TBC1D9B: variants seen among roughly 807,000 people sequenced by gnomAD.
TBC1D9B encodes TBC1 domain family, member 9B (with GRAM domain).
A neutral mutation model predicts 121.1 loss-of-function variants in TBC1D9B; 87 were observed. That is an observed-to-expected ratio of 0.72 (90% CI 0.60 to 0.86). The LOEUF is 0.86. TBC1D9B is among the 40% of genes least tolerant of loss of function. The probability of loss-of-function intolerance (pLI) is 0.00; values close to 1 mark genes in which losing one functional copy is unlikely to be tolerated. For synonymous variants in TBC1D9B, 668 were observed against 670.1 expected (o/e 1.00, Z 0.05); for missense variants, 1,540 against 1,628.6 (o/e 0.95, Z 0.94).
chr5:179,863,611 C>T lies in TBC1D9B; in HGVS notation c.3539G>A (p.Cys1180Tyr). ...GGCCAGGATCTGCTCAAAGGAGATG[C>T]ACCAGTCGGTGTCGACGGTGCCGCC... ...RIGGTVDTDW[C>Y]ISFEQILASI... Residue 1180 changes from cysteine (C) to tyrosine (Y), a missense_variant, in exon 21 of 21, where the codon TGC (cysteine) becomes TAC (tyrosine). Transcript: ENST00000355235. The surrounding 1 kb of genome is among the most constrained non-coding windows in gnomAD (Gnocchi z 4.5). The T allele has an allele frequency of 6.2e-7, 1 of 1,614,030 alleles. No individual in the cohort carries two copies. The highest frequency in any genetic ancestry group is 1.1e-5 in the South Asian group (1 of 91,086).
chr5:179,879,924 G>T (rs1760487643), intron 7 of TBC1D9B, 135 bp from the exon 8 acceptor site: 2 of 1,100,848 alleles, frequency 1.8e-6, no homozygotes, highest in South Asian at 1.7e-5. Context: ...ACGGAGAAGA[G>T]CCTGTCTGGC....
chr5:179,893,421 GTTC>G lies in TBC1D9B; in HGVS notation c.621_623del (p.Lys207del), dbSNP rs757869620. On this transcript the variant is annotated inframe_deletion, in exon 5 of 21. Transcript: ENST00000355235. Reference sequence around the variant, plus strand: ...TGCTCTCGGGGAAGAGCAGGGTGGCGTTCTTCTCCAGACGCGTTATGTCCACCC... The same window carrying G: ...TGCTCTCGGGGAAGAGCAGGGTGGCGTTCTCCAGACGCGTTATGTCCACCC... 4 of 1,613,728 alleles carry G rather than the reference GTTC, an allele frequency of 2.5e-6. No homozygotes were observed. In the South Asian group the frequency reaches 4.4e-5, roughly 18 times the overall value.
chr5:179,891,715 G>A lies in TBC1D9B; in HGVS notation c.837-129C>T, dbSNP rs935775534. The A allele has an allele frequency of 4.4e-5, 43 of 988,294 alleles. No individual in the cohort carries two copies. The highest frequency in any genetic ancestry group is 6.4e-5 in the Non-Finnish European group (43 of 673,920). The allele number at this position is 988,294 out of a possible 1,614,324, so 61.2% of individuals were successfully genotyped here. A position where few individuals can be genotyped will look rare whatever the true frequency, so the allele number is the denominator to read the frequency against. On this transcript the variant is annotated intron_variant, in intron 5 of 20. Coordinates refer to ENST00000355235, the MANE Select transcript of TBC1D9B (RefSeq NM_015043.4). The surrounding 1 kb of genome is among the most constrained non-coding windows in gnomAD (Gnocchi z 4.3). ...TTCAGGATCCCTGGGGTGGTCCCTTGAGCAAGTCATGCTCAGGGACCTCAG... is the reference window on the plus strand; with the variant it reads ...TTCAGGATCCCTGGGGTGGTCCCTTAAGCAAGTCATGCTCAGGGACCTCAG...
chr5:179,862,732 C>T lies in TBC1D9B; in HGVS notation c.*716G>A, dbSNP rs1759880295. ...GGGGGCCACAGCAAGGCATTGCACA[C>T]AGTGGTTTTTATTTCTTTCAGGGAT... On this transcript the variant is annotated 3_prime_UTR_variant, in exon 21 of 21. Transcript: ENST00000355235. 1 of 382,392 alleles carries T rather than the reference C, an allele frequency of 2.6e-6. No homozygotes were observed. The highest frequency in any genetic ancestry group is 1.8e-5 in the South Asian group (1 of 56,776). The allele number at this position is 382,392 out of a possible 1,614,324, so 23.7% of individuals were successfully genotyped here.
intron 2 of TBC1D9B, among the ~76,000 whole-genome samples, chr5:179,900,100 G>A (rs1470093027): frequency 2.0e-5 from 3 of 152,134 alleles, no homozygotes; most frequent in Non-Finnish European, 2.9e-5. Context: ...TGCACCTGTG[G>A]TCCCAGCCAC....
At chr5:179,887,213 A>ACTGGCCG (rs1401749767) in intron 7 of TBC1D9B, among the ~76,000 whole-genome samples, 3 of 152,352 alleles carry the variant, frequency 2.0e-5, no homozygotes, top group South Asian at 2.1e-4. Flanking sequence ...GCCGCTGGCC[A>ACTGGCCG]CTGGCCGCTG....
Position 179,907,804 on chromosome 5 carries a change from C to G in TBC1D9B, c.18G>C (p.Glu6Asp), listed in dbSNP as rs759202339. 2.5e-6 allele frequency: 3 copies of G among 1,208,342 alleles called. No homozygotes were observed. The highest frequency in any genetic ancestry group is 6.6e-5 in the East Asian group (1 of 15,142). 74.9% of individuals were successfully genotyped at this position (1,208,342 alleles called of 1,614,324 possible). The change falls in exon 1 of 21, where the codon GAG becomes GAC. Residue 6 changes from glutamate to aspartate, a missense_variant. Transcript: ENST00000355235. The surrounding 1 kb of genome is among the most constrained non-coding windows in gnomAD (Gnocchi z 5.3). ...ACAGCGCATTGGCCACCAGCACCTC[C>G]TCCGGGCTCAGCCACATCGCGGAGC... Reference protein sequence around the residue: MWLSPEEVLVANALWV... With the variant: MWLSPDEVLVANALWV...
In TBC1D9B at chr5:179,870,406, C is replaced by T; in HGVS notation, c.2574G>A (p.Arg858=). The T allele has an allele frequency of 6.2e-7, 1 of 1,613,696 alleles. No homozygotes were observed. Among genetic ancestry groups the T allele is most frequent in the Non-Finnish European group, 8.5e-7 (1 of 1,180,016 alleles). Reference sequence around the variant, plus strand: ...GTTCCCGGAACTGGCTGGCATCAATCCGGTACTGCTCCAGGTAGGGCAGGC... The same window carrying T: ...GTTCCCGGAACTGGCTGGCATCAATTCGGTACTGCTCCAGGTAGGGCAGGC... ...DPSLPYLEQY[R]IDASQFRELF... is the part of the protein sequence containing the mutation. The change falls in exon 16 of 21, where the codon CGG becomes CGA. Residue 858 remains arginine, a synonymous_variant. Coordinates refer to ENST00000355235, the MANE Select transcript of TBC1D9B (RefSeq NM_015043.4).
chr5:179,873,061 C>T, intron 13 of TBC1D9B, 58 bp downstream of exon 13: 1 of 1,613,076 alleles, frequency 6.2e-7, no homozygotes, highest in Non-Finnish European at 8.5e-7. Flanking sequence ...CCCATAGCCA[C>T]CCCAACCCAC....
At chr5:179,896,732 C>G (rs563092706) in intron 3 of TBC1D9B, among the ~76,000 whole-genome samples, 1 of 152,192 alleles carries the variant, frequency 6.6e-6, no homozygotes, top group South Asian at 2.1e-4. Flanking sequence ...CCATGTTGGC[C>G]AGGCTGGTCT....
rs559747977 is a variant in TBC1D9B, at chr5:179,889,899, G to A, written c.1044+1480C>T. On this transcript the variant is annotated intron_variant, in intron 6 of 20. Coordinates refer to ENST00000355235, the MANE Select transcript of TBC1D9B (RefSeq NM_015043.4). ...AAAAAAAAAAAAAAAAAAAAAAGGC[G>A]GGGGTTGGGGTTCAGTGTGGTTAGG... Among the ~76,000 whole-genome samples the A allele has an allele frequency of 2.4e-3, 362 of 150,556 alleles. 1 individual carries two copies. The highest frequency in any genetic ancestry group is 0.01 in the Middle Eastern group (3 of 294).
rs377452318 is a variant in TBC1D9B at position 179,890,320 on chromosome 5, G to A, written c.1044+1059C>T. Reference sequence around the variant, plus strand: ...GAGCTAGTCCTGCTCCCCGAGCTCCGCCAGGGCTCTCTACCATCTGAGATG... The same window carrying A: ...GAGCTAGTCCTGCTCCCCGAGCTCCACCAGGGCTCTCTACCATCTGAGATG... On this transcript the variant is annotated intron_variant, in intron 6 of 20. Transcript: ENST00000355235. The surrounding 1 kb of genome is among the most constrained non-coding windows in gnomAD (Gnocchi z 5.0). 2.0e-5 allele frequency among the ~76,000 whole-genome samples: 3 copies of A among 152,182 alleles called. No individual in the cohort carries two copies.
intron 7 of TBC1D9B, among the ~76,000 whole-genome samples, chr5:179,886,459 C>A (rs1005246946): frequency 6.6e-6 from 1 of 152,182 alleles, no homozygotes; most frequent in Non-Finnish European, 1.5e-5. Flanking sequence ...ACCCTGTTCA[C>A]TGCCCCTGCC....
Position 179,896,912 on chromosome 5 carries a change from C to T in TBC1D9B, c.348+2277G>A, listed in dbSNP as rs182829624. Among the ~76,000 whole-genome samples, 178 of 151,832 alleles carry T rather than the reference C, an allele frequency of 1.2e-3. 1 individual carries two copies. Among genetic ancestry groups the T allele is most frequent in the African/African-American group, 4.1e-3 (169 of 41,406 alleles). On this transcript the variant is annotated intron_variant, in intron 3 of 20. Transcript: ENST00000355235. ...GTTTTGCTTTTTTAAAGATGCTCCT[C>T]ACAGCGTATTTTGAGACGGAGTCTC...
chr5:179,897,209 T>C (rs1390126946), intron 3 of TBC1D9B, among the ~76,000 whole-genome samples: 1 of 152,000 alleles, frequency 6.6e-6, no homozygotes, highest in Non-Finnish European at 1.5e-5. Context: ...GCCTGGCCCA[T>C]CCTTCCTTCT....
chr5:179,878,249 C>CT lies in TBC1D9B; in HGVS notation c.1782+59_1782+60insA, dbSNP rs1561638427. Reference sequence around the variant, plus strand: ...CCACACAGGCCTGGGACCACAGGGACCTGCTCCTGTGAACCTCTGGTGGCA... The same window carrying CT: ...CCACACAGGCCTGGGACCACAGGGACTCTGCTCCTGTGAACCTCTGGTGGCA... On this transcript the variant is annotated intron_variant, in intron 10 of 20. Coordinates refer to ENST00000355235, the MANE Select transcript of TBC1D9B (RefSeq NM_015043.4). 2.6e-6 allele frequency: 4 copies of CT among 1,543,722 alleles called. No homozygotes were observed. The East Asian group carries it at 9.4e-5, about 36-fold the overall frequency.
At chr5:179,869,941 C>A in intron 16 of TBC1D9B, 107 bp from the exon 17 acceptor site, 2 of 1,143,140 alleles carry the variant, frequency 1.7e-6, no homozygotes, top group Non-Finnish European at 1.2e-6. Flanking sequence ...CAACTCCCTC[C>A]TGGAGAGGTC....
chr5:179,879,321 C>A (rs1350821025), intron 8 of TBC1D9B, 124 bp from the exon 9 acceptor site: 51 of 1,426,504 alleles, frequency 3.6e-5, no homozygotes, highest in Non-Finnish European at 4.5e-5. Context: ...GCCTTCCTCG[C>A]AATTCCCGGG....
intron 2 of TBC1D9B, among the ~76,000 whole-genome samples, chr5:179,903,979 T>G (rs1324008787): frequency 6.6e-6 from 1 of 152,196 alleles, no homozygotes; most frequent in Non-Finnish European, 1.5e-5. Context: ...CATGTGTCCA[T>G]GAGTGTCTCC....
Sources: allele counts gnomAD v4.1 joint callset (sites outside exome capture counted in the v4.1 genomes callset), GRCh38; gene constraint gnomAD v4.1.1; non-coding constraint Gnocchi (gnomAD v3.1); transcripts MANE v1.5; gene names NCBI Gene and HGNC (gene_info 2026-07-23, HGNC 2026-07-21).